JAKMIP2: variants seen among roughly 807,000 people sequenced by gnomAD.
JAKMIP2 encodes the protein janus kinase and microtubule interacting protein 2, also known as janus kinase and microtubule-interacting protein 2.
A neutral mutation model predicts 115.0 loss-of-function variants in JAKMIP2; 25 were observed. The ratio of observed to expected loss-of-function variants is 0.22; its 90% CI spans 0.16 to 0.30. The LOEUF (loss-of-function observed/expected upper bound fraction) is 0.30. Among genes scored for constraint, JAKMIP2 ranks in the 10% least tolerant of loss-of-function variants. The pLI is 1.00. For missense variants in JAKMIP2, 642 were observed against 957.6 expected, an observed-to-expected ratio of 0.67 and a Z score of 4.35; for synonymous variants, 334 against 343.6, an observed-to-expected ratio of 0.97 and a Z score of 0.31.
chr5:147,765,977 A>C (rs1755141540), intron 1 of JAKMIP2, among the ~76,000 whole-genome samples: 1 of 152,096 alleles, frequency 6.6e-6, no homozygotes, highest in Non-Finnish European at 1.5e-5. Context: ...TTACATTCCA[A>C]CCAGTCAAGG....
chr5:147,716,823 T>C (rs1182742105), intron 1 of JAKMIP2, among the ~76,000 whole-genome samples: 4 of 146,538 alleles, frequency 2.7e-5, no homozygotes, highest in African/African-American at 5.1e-5. Context: ...GTAGTTTCTT[T>C]TGCTGTGCAG....
intron 1 of JAKMIP2, among the ~76,000 whole-genome samples, chr5:147,771,630 T>C (rs955678627): frequency 4.6e-5 from 7 of 152,046 alleles, no homozygotes; most frequent in Non-Finnish European, 8.8e-5. Context: ...CTCATCACCG[T>C]ATGCATTCAT....
chr5:147,671,698 G>A lies in JAKMIP2; in HGVS notation c.109C>T (p.Leu37=). The A allele has an allele frequency of 6.5e-7, 1 of 1,547,614 alleles. No individual in the cohort carries two copies. Among genetic ancestry groups the A allele is most frequent in the Non-Finnish European group, 8.7e-7 (1 of 1,144,632 alleles). ...CTCACCTTGGACTTCTCTTGATGCA[G>A]CTCTATCTGAATGTCTGTGAGCTTG... ...RTKLTDIQIE[L]HQEKSKVSKL... The change falls in exon 2 of 22, where the codon CTG becomes TTG. Residue 37 remains leucine, a synonymous_variant. Coordinates refer to ENST00000616793, the MANE Select transcript of JAKMIP2 (RefSeq NM_001270941.2).
rs182689112 is a variant in JAKMIP2, at chr5:147,726,057, C to T, written c.-148-54103G>A. 4.9e-3 allele frequency among the ~76,000 whole-genome samples: 748 copies of T among 152,254 alleles called. 5 individuals are homozygous for T. The highest frequency in any genetic ancestry group is 0.017 in the African/African-American group (708 of 41,532). ...TGCCTCTCTTAGCTCCTTGCCTTCC[C>T]CACCCTGCCACAGACAATGCTTTTC... On this transcript the variant is annotated intron_variant, in intron 1 of 21. Coordinates refer to ENST00000616793, the MANE Select transcript of JAKMIP2 (RefSeq NM_001270941.2).
chr5:147,754,920 G>C (rs1261486311), intron 1 of JAKMIP2, among the ~76,000 whole-genome samples: 2 of 152,190 alleles, frequency 1.3e-5, no homozygotes, highest in Non-Finnish European at 2.9e-5. Context: ...AGGCCACTAT[G>C]AGTGGAAGAG....
At chr5:147,710,761 G>C (rs72835153) in intron 1 of JAKMIP2, among the ~76,000 whole-genome samples, 37 of 152,266 alleles carry the variant, frequency 2.4e-4, no homozygotes, top group Non-Finnish European at 4.6e-4. Flanking sequence ...CCAAGGCTCT[G>C]CTAAAGAAAA....
chr5:147,640,799 C>A lies in JAKMIP2; in HGVS notation c.1306G>T (p.Gly436Cys), dbSNP rs1326236522. 2 of 1,613,316 alleles carry A rather than the reference C, an allele frequency of 1.2e-6. No individual in the cohort carries two copies. The highest frequency in any genetic ancestry group is 1.7e-6 in the Non-Finnish European group (2 of 1,179,628). Reference sequence around the variant, plus strand: ...GAATCCATAGAGTCCTCATCATAGCCAATAAACGGGTCCAAAACAGGCCTC... The same window carrying A: ...GAATCCATAGAGTCCTCATCATAGCAAATAAACGGGTCCAAAACAGGCCTC... ...IKRPVLDPFI[G>C]YDEDSMDSET... is the part of the protein sequence containing the mutation. Residue 436 changes from glycine to cysteine, a missense_variant, in exon 9 of 22, where the codon GGC becomes TGC. Gly to Cys is a radical substitution (Grantham distance 159). Coordinates refer to ENST00000616793, the MANE Select transcript of JAKMIP2 (RefSeq NM_001270941.2).
At chr5:147,700,971 G>A (rs1220702705) in intron 1 of JAKMIP2, among the ~76,000 whole-genome samples, 1 of 152,306 alleles carries the variant, frequency 6.6e-6, no homozygotes, top group East Asian at 1.9e-4. Context: ...GTTGGCATAT[G>A]TATGTGGTTG....
intron 1 of JAKMIP2, among the ~76,000 whole-genome samples, chr5:147,735,069 T>C (rs1272152166): frequency 1.3e-5 from 2 of 152,208 alleles, no homozygotes; most frequent in Non-Finnish European, 2.9e-5. Flanking sequence ...TCCTGCGATC[T>C]GCATATGCTG....
chr5:147,644,694 C>CTCTT, intron 6 of JAKMIP2, among the ~76,000 whole-genome samples, 156 bp downstream of exon 6: 1 of 152,172 alleles, frequency 6.6e-6, no homozygotes, highest in Non-Finnish European at 1.5e-5. Flanking sequence ...AGCCAGCAAC[C>CTCTT]TTCTCTTGCT....
intron 1 of JAKMIP2, among the ~76,000 whole-genome samples, chr5:147,677,966 C>T (rs1219000621): frequency 6.6e-6 from 1 of 152,066 alleles, no homozygotes; most frequent in Non-Finnish European, 1.5e-5. Flanking sequence ...TTTTGACCAA[C>T]ATCTCTCTAT....
chr5:147,660,001 A>G (rs754823497), intron 3 of JAKMIP2, among the ~76,000 whole-genome samples: 28 of 152,352 alleles, frequency 1.8e-4, no homozygotes, highest in Admixed American at 3.3e-4. Flanking sequence ...GAAGACAAAA[A>G]AGGAAAAGTG....
At chr5:147,717,560 A>C (rs1215243731) in intron 1 of JAKMIP2, among the ~76,000 whole-genome samples, 3 of 141,162 alleles carry the variant, frequency 2.1e-5, no homozygotes, top group East Asian at 2.3e-4. Flanking sequence ...GAGGTCCTTC[A>C]CATCCCTTGT....
At chr5:147,781,276 T>C (rs574206798) in intron 1 of JAKMIP2, among the ~76,000 whole-genome samples, 1 of 152,144 alleles carries the variant, frequency 6.6e-6, no homozygotes, top group Non-Finnish European at 1.5e-5. Context: ...AGACCCTTAA[T>C]ACAACATCTG....
intron 1 of JAKMIP2, among the ~76,000 whole-genome samples, chr5:147,780,927 T>C (rs552205438): frequency 4.3e-4 from 66 of 152,300 alleles, no homozygotes; most frequent in Middle Eastern, 6.8e-3. Flanking sequence ...GTAATATTAC[T>C]AATACACTTT....
chr5:147,681,357 G>C (rs1404486062), intron 1 of JAKMIP2, among the ~76,000 whole-genome samples: 3 of 152,102 alleles, frequency 2.0e-5, no homozygotes, highest in Non-Finnish European at 2.9e-5. Context: ...GCAATTCTTT[G>C]TTTGATTTCC....
chr5:147,633,994 T>C (rs1472948167), intron 12 of JAKMIP2, among the ~76,000 whole-genome samples: 3 of 152,170 alleles, frequency 2.0e-5, no homozygotes, highest in Admixed American at 1.3e-4. Context: ...CCGGCTGTCA[T>C]CTTTGGCTTT....
intron 19 of JAKMIP2, 92 bp from the exon 20 acceptor site, chr5:147,612,463 A>G (rs551177004): frequency 2.9e-6 from 2 of 681,414 alleles, no homozygotes; most frequent in Non-Finnish European, 4.9e-6. Context: ...AACTTCCTAT[A>G]CAAACCTGAA....
intron 1 of JAKMIP2, among the ~76,000 whole-genome samples, chr5:147,727,012 G>A (rs906931237): frequency 7.9e-5 from 12 of 152,182 alleles, no homozygotes; most frequent in Admixed American, 2.6e-4. Flanking sequence ...TCACAATGAC[G>A]GCCTGGGTTC....
Sources: allele counts gnomAD v4.1 joint callset (sites outside exome capture counted in the v4.1 genomes callset), GRCh38; gene constraint gnomAD v4.1.1; transcripts MANE v1.5; gene names NCBI Gene and HGNC (gene_info 2026-07-23, HGNC 2026-07-21).